Variants in NSMCE2 observed in about 807,000 individuals in gnomAD.
NSMCE2 encodes E3 SUMO-protein ligase NSE2.
Under a neutral mutation model 23.8 loss-of-function variants are expected in NSMCE2, and 24 were observed. The ratio of observed to expected loss-of-function variants is 1.01; its 90% confidence interval spans 0.73 to 1.42. The LOEUF is 1.42. Among genes scored for constraint, NSMCE2 ranks in the 40% most tolerant of loss-of-function variants. The pLI is 0.00. For synonymous variants in NSMCE2, 92 were observed against 94.1 expected (o/e 0.98, Z 0.13); for missense variants, 284 against 296.5 (o/e 0.96, Z 0.31).
chr8:125,136,423 T>C (rs1181039899), intron 3 of NSMCE2, among the ~76,000 whole-genome samples: 1 of 152,222 alleles, frequency 6.6e-6, no homozygotes, highest in African/African-American at 2.4e-5. Flanking sequence ...TAGTTAGATG[T>C]GGACAGTAAG....
At chr8:125,171,634 G>T (rs1822212027) in intron 4 of NSMCE2, among the ~76,000 whole-genome samples, 2 of 152,154 alleles carry the variant, frequency 1.3e-5, no homozygotes, top group Non-Finnish European at 2.9e-5. Flanking sequence ...ATTCTGATCA[G>T]ATTACAGCAT....
At chr8:125,312,361 C>T (rs1351757379) in intron 5 of NSMCE2, among the ~76,000 whole-genome samples, 2 of 152,142 alleles carry the variant, frequency 1.3e-5, no homozygotes, top group Non-Finnish European at 2.9e-5. Context: ...CATGGTGGCT[C>T]ATGCCTGTAA....
rs1341804324 is a variant in NSMCE2 at position 125,324,720 on chromosome 8, G to C, written c.419-32499G>C. 3.8e-5 allele frequency among the ~76,000 whole-genome samples: 4 copies of C among 104,198 alleles called. 2 individuals are homozygous for C. The highest frequency in any genetic ancestry group is 9.2e-5 in the Non-Finnish European group (4 of 43,288). The allele number at this position is 104,198 out of a possible 152,430, so 68.4% of individuals were successfully genotyped here. A position where few individuals can be genotyped will look rare whatever the true frequency, so the allele number is the denominator to read the frequency against. ...CTCCCGAGTAGCTGGGACTACAGGC[G>C]CCCGCCACTACGCCCGGCTAATTTT... On this transcript the variant is annotated intron_variant, in intron 5 of 7. Coordinates refer to ENST00000287437, the MANE Select transcript of NSMCE2 (RefSeq NM_173685.4).
intron 5 of NSMCE2, among the ~76,000 whole-genome samples, chr8:125,315,708 A>G (rs1017128313): frequency 1.3e-5 from 2 of 152,222 alleles, no homozygotes; most frequent in Admixed American, 6.5e-5. Context: ...GTAACTGTAC[A>G]GAGAAAGAGT....
intron 5 of NSMCE2, among the ~76,000 whole-genome samples, chr8:125,310,026 C>A (rs1438355141): frequency 2.0e-5 from 3 of 152,126 alleles, no homozygotes; most frequent in Admixed American, 6.5e-5. Flanking sequence ...GATGGGGGGA[C>A]CCTCATCCTA....
intron 3 of NSMCE2, among the ~76,000 whole-genome samples, chr8:125,113,937 G>A (rs895736530): frequency 6.6e-6 from 1 of 152,138 alleles, no homozygotes; most frequent in Non-Finnish European, 1.5e-5. Context: ...TTATGAATTT[G>A]ATAGGATTCT....
chr8:125,337,789 G>A (rs1194782358), intron 5 of NSMCE2, among the ~76,000 whole-genome samples: 10 of 151,472 alleles, frequency 6.6e-5, no homozygotes, highest in African/African-American at 2.4e-4. Flanking sequence ...CAACTACTCA[G>A]GAGGCTGAGG....
intron 3 of NSMCE2, among the ~76,000 whole-genome samples, chr8:125,144,049 G>C (rs1017582401): frequency 2.6e-5 from 4 of 152,258 alleles, no homozygotes; most frequent in South Asian, 4.1e-4. Flanking sequence ...AGGGAAAAGA[G>C]GGGGGGAAAG....
At chr8:125,243,585 C>T (rs1243305501) in intron 5 of NSMCE2, among the ~76,000 whole-genome samples, 2 of 151,734 alleles carry the variant, frequency 1.3e-5, no homozygotes, top group Non-Finnish European at 2.9e-5. Context: ...AGAATCATAT[C>T]TCAATGTTAT....
intron 5 of NSMCE2, among the ~76,000 whole-genome samples, chr8:125,267,575 C>T (rs1826981347): frequency 6.6e-6 from 1 of 152,074 alleles, no homozygotes; most frequent in African/African-American, 2.4e-5. Context: ...CACTTCAGCT[C>T]AGGAATTCAG....
chr8:125,226,060 G>A (rs545007375), intron 5 of NSMCE2, among the ~76,000 whole-genome samples: 2 of 152,084 alleles, frequency 1.3e-5, no homozygotes, highest in Non-Finnish European at 2.9e-5. Flanking sequence ...CAACCTTTAT[G>A]TCTGTTTGCA....
At chr8:125,248,488 A>T (rs1391209875) in intron 5 of NSMCE2, among the ~76,000 whole-genome samples, 4 of 152,182 alleles carry the variant, frequency 2.6e-5, no homozygotes, top group Non-Finnish European at 4.4e-5. Context: ...CCCCATCTCT[A>T]CTAAAAATAC....
intron 5 of NSMCE2, among the ~76,000 whole-genome samples, chr8:125,246,174 C>G (rs1427550278): frequency 1.3e-5 from 2 of 151,782 alleles, no homozygotes; most frequent in Non-Finnish European, 1.5e-5. Context: ...TGAATCTTTT[C>G]TTTTTTCTTT....
intron 5 of NSMCE2, among the ~76,000 whole-genome samples, chr8:125,237,828 C>T (rs1213884520): frequency 6.6e-6 from 1 of 152,162 alleles, no homozygotes; most frequent in African/African-American, 2.4e-5. Flanking sequence ...TGCCCATCTG[C>T]ATCGTTTTGT....
intron 3 of NSMCE2, among the ~76,000 whole-genome samples, chr8:125,105,413 A>C (rs986077529): frequency 7.2e-5 from 11 of 152,124 alleles, no homozygotes; most frequent in African/African-American, 2.2e-4. Context: ...AGATTGTATC[A>C]GTTTTTTTCA....
intron 3 of NSMCE2, among the ~76,000 whole-genome samples, chr8:125,134,904 A>G (rs569319873): frequency 6.6e-6 from 1 of 151,100 alleles, no homozygotes; most frequent in Admixed American, 6.6e-5. Flanking sequence ...ATGAAAAATA[A>G]ATTTTGTTTT....
intron 5 of NSMCE2, among the ~76,000 whole-genome samples, chr8:125,197,750 G>A (rs544967703): frequency 6.6e-6 from 1 of 152,212 alleles, no homozygotes; most frequent in African/African-American, 2.4e-5. Flanking sequence ...AGCTTGATGG[G>A]GATGGCATTG....
chr8:125,328,909 C>G (rs78258496), intron 5 of NSMCE2, among the ~76,000 whole-genome samples: 1 of 152,008 alleles, frequency 6.6e-6, no homozygotes, highest in African/African-American at 2.4e-5. Context: ...CAGTGAGACC[C>G]GAAGTCAGAA....
At chr8:125,266,326 A>T (rs2131068097) in intron 5 of NSMCE2, among the ~76,000 whole-genome samples, 1 of 152,234 alleles carries the variant, frequency 6.6e-6, no homozygotes, top group East Asian at 1.9e-4. Flanking sequence ...TTTAAACCCC[A>T]TCAAACTGTA....
Sources: allele counts gnomAD v4.1 joint callset (sites outside exome capture counted in the v4.1 genomes callset), GRCh38; gene constraint gnomAD v4.1.1; transcripts MANE v1.5; gene names NCBI Gene and HGNC (gene_info 2026-07-23, HGNC 2026-07-21).